Variants in KRR1 observed in about 807,000 individuals in gnomAD.
KRR1 encodes KRR1 small subunit processome component.
In KRR1, 23 loss-of-function variants were observed where a neutral mutation model predicts 50.0. The ratio of observed to expected loss-of-function variants is 0.46; its 90% CI spans 0.33 to 0.65. The LOEUF (loss-of-function observed/expected upper bound fraction) is 0.65. Ranked by LOEUF, KRR1 falls within the 30% of genes least tolerant of loss-of-function variation. The pLI is 0.02. For missense variants in KRR1, 419 were observed against 442.4 expected, an observed-to-expected ratio of 0.95 and a Z score of 0.47; for synonymous variants, 133 against 146.3, an observed-to-expected ratio of 0.91 and a Z score of 0.66.
In KRR1 at chr12:75,499,841, C is replaced by T. The variant is rs1328454253; in HGVS notation, c.1114G>A (p.Ala372Thr). 2 of 1,605,656 alleles carry T rather than the reference C, an allele frequency of 1.2e-6. No homozygotes were observed. The highest frequency in any genetic ancestry group is 8.5e-7 in the Non-Finnish European group (1 of 1,176,682). The change falls in exon 10 of 10, where the codon GCA becomes ACA. Residue 372 changes from alanine to threonine, a missense_variant. Ala to Thr is a moderately conservative substitution (Grantham distance 58, BLOSUM62 0). Transcript: ENST00000229214. ...TAEEIALKME[A>T]DEKKKKKKK is the part of the protein sequence containing the mutation. ...TTTTTCTTCTTTTTCTTTTCATCTG[C>T]CTCCATCTTAAGTGCAATTTCTTCA...
intron 9 of KRR1, chr12:75,500,587 AT>A (rs1470627942): frequency 1.2e-4 from 18 of 152,064 alleles, no homozygotes; most frequent in Non-Finnish European, 2.5e-4. Context: ...ATTTAACAAC[AT>A]TTTGGTAATA....
chr12:75,505,305 TGGA>T, intron 5 of KRR1, 51 bp from the exon 6 acceptor site: 1 of 1,530,576 alleles, frequency 6.5e-7, no homozygotes, highest in Non-Finnish European at 8.8e-7. Flanking sequence ...TAATGAGCTA[TGGA>T]GAAGAGGATT....
chr12:75,505,174 C>A, intron 6 of KRR1, 24 bp downstream of exon 6: 3 of 1,518,224 alleles, frequency 2.0e-6, no homozygotes, highest in Non-Finnish European at 2.7e-6. Flanking sequence ...ATCACTGGTA[C>A]AGTTATATAT....
At chr12:75,499,990 A>AT in intron 9 of KRR1, 39 bp from the exon 10 acceptor site, 2 of 1,505,360 alleles carry the variant, frequency 1.3e-6, no homozygotes, top group Non-Finnish European at 9.0e-7. Context: ...AATACTTTAG[A>AT]TTTTACCAAG....
In KRR1 at chr12:75,508,405, G is replaced by T; in HGVS notation, c.127C>A (p.Pro43Thr). ...LLTVPDGWKE[P>T]AFSKEDNPRG... ...GGATTGTCCTCTTTGGAAAAAGCTG[G>T]TTCCTTCCAACCATCAGGAACCGTA... is the stretch of plus-strand genomic sequence containing the variant. Residue 43 changes from proline to threonine, a missense_variant, in exon 2 of 10, where the codon CCA becomes ACA. Coordinates refer to ENST00000229214, the MANE Select transcript of KRR1 (RefSeq NM_007043.7). 6.2e-7 allele frequency: 1 copy of T among 1,612,480 alleles called. No homozygotes were observed. Among genetic ancestry groups the T allele is most frequent in the South Asian group, 1.1e-5 (1 of 90,750 alleles).
rs2046449417 is a variant in KRR1, at chr12:75,511,573, G to A, written c.25C>T (p.Pro9Ser). The A allele has an allele frequency of 2.5e-6, 4 of 1,613,984 alleles. No individual in the cohort carries two copies. Among genetic ancestry groups the A allele is most frequent in the East Asian group, 4.5e-5 (2 of 44,882 alleles). ...TCACTTTTTCCAGCGCCTTTTTCTGGCCGCTCCAGCGAGGGAGACGCCATT... is the reference window on the plus strand; with the variant it reads ...TCACTTTTTCCAGCGCCTTTTTCTGACCGCTCCAGCGAGGGAGACGCCATT... MASPSLER[P>S]EKGAGKSEFR... Residue 9 changes from proline (P) to serine (S), a missense_variant, in exon 1 of 10, where the codon CCA (proline) becomes TCA (serine). Transcript: ENST00000229214.
chr12:75,503,621 C>A (rs1011012261), intron 7 of KRR1: 4 of 237,688 alleles, frequency 1.7e-5, no homozygotes, highest in African/African-American at 4.5e-5. Flanking sequence ...AAGAGTATTG[C>A]AGACTAAACG....
rs376955252 is a variant in KRR1, at chr12:75,501,740, A to G, written c.986T>C (p.Ile329Thr). 3.7e-6 allele frequency: 6 copies of G among 1,607,710 alleles called. No homozygotes were observed. Among genetic ancestry groups the G allele is most frequent in the Middle Eastern group, 1.7e-4 (1 of 6,054 alleles). Residue 329 changes from isoleucine (I) to threonine (T), a missense_variant, in exon 9 of 10, where the codon ATT (isoleucine) becomes ACT (threonine). Ile to Thr is a moderately conservative substitution (Grantham distance 89). Coordinates refer to ENST00000229214, the MANE Select transcript of KRR1 (RefSeq NM_007043.7). ...AGCATTACCTTCCTTAGGTTTCACA[A>G]TTGGTTTTTCCTTAGGTGGAATAAA... ...KAFIPPKEKP[I>T]VKPKEASTET...
At chr12:75,500,051 C>A in intron 9 of KRR1, 100 bp from the exon 10 acceptor site, 2 of 860,670 alleles carry the variant, frequency 2.3e-6, no homozygotes, top group Non-Finnish European at 3.5e-6. Context: ...AGGCAGTTAA[C>A]TTCAGAGTAT....
intron 8 of KRR1, 30 bp downstream of exon 8, chr12:75,501,893 T>C: frequency 6.2e-7 from 1 of 1,601,366 alleles, no homozygotes; most frequent in East Asian, 2.3e-5. Context: ...AACTTTGCTA[T>C]TCATGTGAGC....
intron 8 of KRR1, 21 bp from the exon 9 acceptor site, chr12:75,501,837 TA>T: frequency 6.4e-7 from 1 of 1,574,014 alleles, no homozygotes; most frequent in South Asian, 1.1e-5. Flanking sequence ...AAATAAAAAA[TA>T]TATCAGTTAA....
At chr12:75,501,601 T>C (rs1014002477) in intron 9 of KRR1, 122 bp downstream of exon 9, 17 of 661,842 alleles carry the variant, frequency 2.6e-5, no homozygotes, top group Non-Finnish European at 4.4e-5. Context: ...GGATTAGTAA[T>C]TAATGAAATG....
intron 7 of KRR1, chr12:75,502,478 T>G (rs763200172): frequency 6.5e-6 from 1 of 153,880 alleles, no homozygotes; most frequent in Non-Finnish European, 1.4e-5. Context: ...AATTGGTGAC[T>G]AATTAGCAAA....
At chr12:75,502,872 T>A (rs1401828571) in intron 7 of KRR1, 1 of 152,004 alleles carries the variant, frequency 6.6e-6, no homozygotes, top group Non-Finnish European at 1.5e-5. Flanking sequence ...CACTCCACTT[T>A]CCCCCTAACT....
intron 1 of KRR1, among the ~76,000 whole-genome samples, chr12:75,509,271 T>C (rs2046435741): frequency 6.6e-6 from 1 of 152,206 alleles, no homozygotes; most frequent in Non-Finnish European, 1.5e-5. Context: ...CAGCACAAAC[T>C]GTAAGTCTGT....
intron 9 of KRR1, 92 bp from the exon 10 acceptor site, chr12:75,500,043 G>T: frequency 2.1e-6 from 2 of 960,940 alleles, no homozygotes; most frequent in Non-Finnish European, 3.0e-6. Flanking sequence ...TATGTTTAAG[G>T]CAGTTAACTT....
chr12:75,499,566 G>A lies in KRR1; in HGVS notation c.*243C>T, dbSNP rs2046375758. ...TACTAACCAATAGCATCAGACACTG[G>A]ATTTAATGGATAATCACAATGGTCG... On this transcript the variant is annotated 3_prime_UTR_variant, in exon 10 of 10. Coordinates refer to ENST00000229214, the MANE Select transcript of KRR1 (RefSeq NM_007043.7). The A allele has an allele frequency of 4.2e-6, 1 of 239,900 alleles. No individual in the cohort carries two copies. The allele number at this position is 239,900 out of a possible 1,614,324, so 14.9% of individuals were successfully genotyped here. A position where few individuals can be genotyped will look rare whatever the true frequency, so the allele number is the denominator to read the frequency against.
chr12:75,511,441 G>A, intron 1 of KRR1, 72 bp downstream of exon 1: 3 of 1,335,234 alleles, frequency 2.2e-6, no homozygotes, highest in South Asian at 1.2e-5. Flanking sequence ...ATAAGTCCAC[G>A]AGGAACGAAA....
intron 6 of KRR1, 26 bp downstream of exon 6, chr12:75,505,172 T>C (rs764012675): frequency 1.1e-5 from 17 of 1,510,598 alleles, no homozygotes; most frequent in Middle Eastern, 1.7e-4. Context: ...TAATCACTGG[T>C]ACAGTTATAT....
Sources: gnomAD v4.1 joint callset for allele counts (sites outside exome capture counted in the v4.1 genomes callset) on GRCh38, gnomAD v4.1.1 for gene constraint, MANE v1.5 for transcripts, NCBI Gene and HGNC (gene_info 2026-07-23, HGNC 2026-07-21) for gene names.